Variants in ESPN observed in about 807,000 individuals in gnomAD.
The protein encoded by ESPN is espin.
ESPN carries 68 observed loss-of-function variants against 77.7 expected under a neutral mutation model. The ratio of observed to expected loss-of-function variants is 0.87; its 90% CI spans 0.72 to 1.07. The LOEUF (loss-of-function observed/expected upper bound fraction) is 1.07. ESPN is among the 50% of genes least tolerant of loss of function. The probability of loss-of-function intolerance (pLI) is 0.00; values close to 1 mark genes in which losing one functional copy is unlikely to be tolerated. For synonymous variants in ESPN, 449 were observed against 567.1 expected (o/e 0.79, Z 2.96); for missense variants, 1,060 against 1,239.0 (o/e 0.86, Z 2.17).
intron 3 of ESPN, 43 bp from the exon 4 acceptor site, chr1:6,440,582 TG>T: frequency 1.0e-6 from 1 of 989,294 alleles, no homozygotes; most frequent in Admixed American, 2.3e-5. Context: ...TACAGGGGCC[TG>T]GCGCCCAGCC....
Position 6,448,639 on chromosome 1 carries a change from A to G in ESPN, c.1465-2A>G. The G allele has an allele frequency of 6.4e-7, 1 of 1,560,072 alleles. No homozygotes were observed. Among genetic ancestry groups the G allele is most frequent in the Non-Finnish European group, 8.6e-7 (1 of 1,164,040 alleles). On this transcript the variant is annotated splice_acceptor_variant, in intron 7 of 12. Transcript: ENST00000645284. LOFTEE classifies it high-confidence loss of function. ...GCCCCACCGGTCACTGTCTTCCCGC[A>G]GCTGAGCTCCTGTGACGGCCACGAC...
chr1:6,460,258 C>A lies in ESPN; in HGVS notation c.*112C>A, dbSNP rs1254148270. On this transcript the variant is annotated 3_prime_UTR_variant, in exon 13 of 13. Transcript: ENST00000645284. ...GGAGCCGCACAGCCCTCCCCTCCTG[C>A]GCTGGAAACCCTCCCTGACCCCCAC... is the stretch of plus-strand genomic sequence containing the variant. 1 of 1,375,476 alleles carries A rather than the reference C, an allele frequency of 7.3e-7. No individual in the cohort carries two copies. Among genetic ancestry groups the A allele is most frequent in the Non-Finnish European group, 9.9e-7 (1 of 1,011,210 alleles). 85.2% of individuals were successfully genotyped at this position (1,375,476 alleles called of 1,614,324 possible).
chr1:6,440,530 CGG>C (rs1161126141), intron 3 of ESPN, 90 bp downstream of exon 3: 50 of 166,250 alleles, frequency 3.0e-4, no homozygotes, highest in East Asian at 4.9e-4. Flanking sequence ...AGGGGTGGGG[CGG>C]GGGGGCGGGG....
At chr1:6,429,772 C>T (rs1225441285) in intron 2 of ESPN, 1 of 152,538 alleles carries the variant, frequency 6.6e-6, no homozygotes, top group Non-Finnish European at 1.5e-5. Flanking sequence ...GTGGAACGCC[C>T]TCCAGGGCTC....
At chr1:6,440,579 G>T (rs1643592682) in intron 3 of ESPN, 47 bp from the exon 4 acceptor site, 2 of 1,043,096 alleles carry the variant, frequency 1.9e-6, no homozygotes, top group African/African-American at 1.7e-5. Flanking sequence ...GCCTACAGGG[G>T]CCTGGCGCCC....
intron 7 of ESPN, among the ~76,000 whole-genome samples, chr1:6,446,278 C>T (rs1340485654): frequency 6.6e-6 from 1 of 152,116 alleles, no homozygotes; most frequent in African/African-American, 2.4e-5. Context: ...ACTGCCCCTC[C>T]CCAAGCATGC....
chr1:6,433,893 C>T (rs1643340074), intron 2 of ESPN, among the ~76,000 whole-genome samples: 1 of 152,186 alleles, frequency 6.6e-6, no homozygotes, highest in East Asian at 1.9e-4. Flanking sequence ...CACTCTCCCA[C>T]TGGCCTTGTT....
intron 10 of ESPN, chr1:6,454,439 G>A (rs1455845187): frequency 2.5e-6 from 1 of 398,812 alleles, no homozygotes; most frequent in African/African-American, 2.1e-5. Context: ...CTTAGCTGAC[G>A]GCCGCCAGCT....
intron 2 of ESPN, among the ~76,000 whole-genome samples, chr1:6,438,668 G>A (rs1382303819): frequency 6.6e-6 from 1 of 152,262 alleles, no homozygotes; most frequent in East Asian, 1.9e-4. Flanking sequence ...AGCTGAGTCT[G>A]TGCCTCTGTT....
chr1:6,425,776 T>C (rs1643013350), intron 1 of ESPN, among the ~76,000 whole-genome samples: 1 of 152,200 alleles, frequency 6.6e-6, no homozygotes, highest in Non-Finnish European at 1.5e-5. Flanking sequence ...GCTGTCAAGC[T>C]GTCAGCTGCT....
rs1014711232 is a variant in ESPN, at chr1:6,441,138, C to T, written c.990+73C>T. 7 of 1,558,758 alleles carry T rather than the reference C, an allele frequency of 4.5e-6. No homozygotes were observed. In the African/African-American group the frequency reaches 9.5e-5, roughly 21 times the overall value. On this transcript the variant is annotated intron_variant, in intron 5 of 12. Coordinates refer to ENST00000645284, the MANE Select transcript of ESPN (RefSeq NM_031475.3). ...CACCCCAGTGGTGGGTGTCGTCACCCCTTTTACCAAGGAGGAAGCTGAGGT... is the reference window on the plus strand; with the variant it reads ...CACCCCAGTGGTGGGTGTCGTCACCTCTTTTACCAAGGAGGAAGCTGAGGT...
chr1:6,440,530 C>CGG (rs1161126141), intron 3 of ESPN, 90 bp downstream of exon 3: 20 of 166,236 alleles, frequency 1.2e-4, no homozygotes, highest in African/African-American at 7.1e-4. Flanking sequence ...AGGGGTGGGG[C>CGG]GGGGGGGCGG....
Position 6,460,006 on chromosome 1 carries a change from G to C in ESPN, c.2425G>C (p.Glu809Gln). Residue 809 changes from glutamate to glutamine, a missense_variant, in exon 13 of 13, where the codon GAG (glutamate) becomes CAG (glutamine). By Grantham distance (29) the Glu-to-Gln change is conservative (BLOSUM62 2). Transcript: ENST00000645284. The part of the protein sequence containing the change: ...EEEREQKRKE[E>Q]ERQKQEELRR... Reference sequence around the variant, plus strand: ...CCCTCCCCACTGCCTCAGGAAAGAGGAGGAGCGACAGAAGCAGGAGGAGCT... The same window carrying C: ...CCCTCCCCACTGCCTCAGGAAAGAGCAGGAGCGACAGAAGCAGGAGGAGCT... The C allele has an allele frequency of 1.9e-6, 3 of 1,613,676 alleles. No homozygotes were observed. Among genetic ancestry groups the C allele is most frequent in the Non-Finnish European group, 2.5e-6 (3 of 1,180,032 alleles).
Position 6,451,986 on chromosome 1 carries a change from C to G in ESPN, c.2215C>G (p.Leu739Val), listed in dbSNP as rs368795540. The G allele has an allele frequency of 1.4e-4, 232 of 1,608,484 alleles. No homozygotes were observed. Among genetic ancestry groups the G allele is most frequent in the Non-Finnish European group, 1.8e-4 (214 of 1,177,644 alleles). The change falls in exon 10 of 13, where the codon CTC becomes GTC. Residue 739 changes from leucine (L) to valine (V), a missense_variant. Leu to Val is a conservative substitution (Grantham distance 32). Around this residue, in one of 3 missense-constraint regions of ESPN, gnomAD observed 374 missense variants for 381.4 expected, o/e 0.98. Transcript: ENST00000645284. The surrounding 1 kb of genome is among the most constrained non-coding windows in gnomAD (Gnocchi z 4.3). Reference sequence around the variant, plus strand: ...GGGAGTGCAGCTGGACGTGGAGGCTCTCATCCCCACGCACGATGAGCAGGG... The same window carrying G: ...GGGAGTGCAGCTGGACGTGGAGGCTGTCATCCCCACGCACGATGAGCAGGG... ...APGVQLDVEA[L>V]IPTHDEQGRP...
At chr1:6,442,006 T>TG (rs1417046659) in intron 5 of ESPN, among the ~76,000 whole-genome samples, 1 of 152,172 alleles carries the variant, frequency 6.6e-6, no homozygotes, top group Non-Finnish European at 1.5e-5. Context: ...CAGCAGGTAG[T>TG]GAGCACTCTG....
At chr1:6,430,639 C>T (rs1229555179) in intron 2 of ESPN, among the ~76,000 whole-genome samples, 7 of 152,146 alleles carry the variant, frequency 4.6e-5, no homozygotes, top group African/African-American at 1.7e-4. Context: ...GGCGTGGTGG[C>T]GCATGCCTGT....
At chr1:6,461,151 T>G, downstream of ESPN, 14 of 639,250 alleles carry the variant, frequency 2.2e-5, no homozygotes, top group Non-Finnish European at 3.6e-5. This position sits in a 1 kb window ranked among gnomAD's most constrained non-coding sequence, Gnocchi z 6.3. Context: ...CAAGAAGCCG[T>G]TTTTGTTTTG....
At chr1:6,457,505 A>G (rs2148548707) in intron 12 of ESPN, 133 bp downstream of exon 12, 5 of 1,043,242 alleles carry the variant, frequency 4.8e-6, no homozygotes, top group East Asian at 5.0e-5. Context: ...CTTCCTCCCT[A>G]TAATACCCCA....
chr1:6,454,773 G>A, intron 10 of ESPN: 2 of 397,984 alleles, frequency 5.0e-6, no homozygotes, highest in Non-Finnish European at 8.9e-6. Context: ...CACGCTGCTG[G>A]CTGCGCTGGG....
Sources: allele counts gnomAD v4.1 joint callset (sites outside exome capture counted in the v4.1 genomes callset), GRCh38; gene constraint gnomAD v4.1.1; regional missense constraint gnomAD v4.1.1; non-coding constraint Gnocchi (gnomAD v3.1); transcripts MANE v1.5; gene names NCBI Gene and HGNC (gene_info 2026-07-23, HGNC 2026-07-21).